The following PELI2 variants were observed in gnomAD, a reference collection of about 807,000 sequenced individuals.
PELI2 encodes the protein pellino E3 ubiquitin protein ligase family member 2.
PELI2 carries 23 observed loss-of-function variants against 42.3 expected under a neutral mutation model. That is an observed-to-expected ratio of 0.54 (90% CI 0.39 to 0.77). The LOEUF is 0.77. Ranked by LOEUF, PELI2 falls within the 30% of genes least tolerant of loss-of-function variation. PELI2 has a pLI of 0.00. For synonymous variants in PELI2, 245 were observed against 212.2 expected, an observed-to-expected ratio of 1.15 and a Z score of -1.34; for missense variants, 463 against 553.2, an observed-to-expected ratio of 0.84 and a Z score of 1.64.
intron 1 of PELI2, among the ~76,000 whole-genome samples, chr14:56,126,920 A>G (rs755159522): frequency 6.6e-6 from 1 of 152,162 alleles, no homozygotes; most frequent in Non-Finnish European, 1.5e-5. Context: ...TCAAAATGCA[A>G]CCTGACAAGA....
intron 2 of PELI2, among the ~76,000 whole-genome samples, chr14:56,218,004 A>C (rs868639122): frequency 6.6e-6 from 1 of 152,184 alleles, no homozygotes. Context: ...CCACCTCATT[A>C]AGTTGGGTAT....
chr14:56,240,460 T>C (rs1043954701), intron 2 of PELI2, among the ~76,000 whole-genome samples: 1 of 152,172 alleles, frequency 6.6e-6, no homozygotes, highest in Non-Finnish European at 1.5e-5. Flanking sequence ...GTGTTAGTGA[T>C]GTTAGCAAGA....
intron 5 of PELI2, among the ~76,000 whole-genome samples, chr14:56,294,067 A>T (rs1406821565): frequency 2.0e-5 from 3 of 152,214 alleles, no homozygotes; most frequent in Non-Finnish European, 4.4e-5. Context: ...GGGAAGGAGC[A>T]TCAGCAAACT....
chr14:56,164,708 A>G (rs1224727972), intron 1 of PELI2, among the ~76,000 whole-genome samples: 1 of 151,614 alleles, frequency 6.6e-6, no homozygotes, highest in African/African-American at 2.4e-5. Context: ...TACAGCTTTG[A>G]TCTTACTTGT....
At chr14:56,290,486 G>C (rs771813644) in intron 5 of PELI2, 30 bp downstream of exon 5, 1 of 1,506,980 alleles carries the variant, frequency 6.6e-7, no homozygotes, top group Non-Finnish European at 9.0e-7. Flanking sequence ...CAAGTGTGAA[G>C]TACGAAACTA....
At chr14:56,169,896 G>A (rs1885104664) in intron 1 of PELI2, among the ~76,000 whole-genome samples, 1 of 152,202 alleles carries the variant, frequency 6.6e-6, no homozygotes, top group African/African-American at 2.4e-5. Flanking sequence ...TAATAAGAGG[G>A]TTGGGACTAT....
chr14:56,259,047 A>G (rs1888624017), intron 2 of PELI2, among the ~76,000 whole-genome samples: 2 of 152,272 alleles, frequency 1.3e-5, no homozygotes, highest in South Asian at 4.1e-4. Flanking sequence ...CCATGGACCA[A>G]CATCTTTAAA....
At chr14:56,241,357 G>A (rs1020521592) in intron 2 of PELI2, among the ~76,000 whole-genome samples, 10 of 152,198 alleles carry the variant, frequency 6.6e-5, no homozygotes, top group Non-Finnish European at 2.9e-5. Flanking sequence ...ATCAATTCAG[G>A]AAGTCTGACA....
At chr14:56,124,554 A>C (rs1883181666) in intron 1 of PELI2, among the ~76,000 whole-genome samples, 1 of 152,198 alleles carries the variant, frequency 6.6e-6, no homozygotes, top group African/African-American at 2.4e-5. Flanking sequence ...TTACTGATAC[A>C]TGGTTCATTT....
intron 2 of PELI2, among the ~76,000 whole-genome samples, chr14:56,189,911 T>C (rs1885898701): frequency 6.6e-6 from 1 of 152,234 alleles, no homozygotes; most frequent in Non-Finnish European, 1.5e-5. Context: ...TGAAAGCCAG[T>C]GCCTTTCGTC....
intron 2 of PELI2, among the ~76,000 whole-genome samples, chr14:56,252,249 A>G (rs1040454347): frequency 9.2e-5 from 14 of 152,168 alleles, no homozygotes; most frequent in African/African-American, 3.4e-4. Flanking sequence ...AATTATTTTC[A>G]TAGCTAATGG....
rs1887819169 is a variant in PELI2 at position 56,237,022 on chromosome 14, C to T, written c.208-42654C>T. On this transcript the variant is annotated intron_variant, in intron 2 of 5. Coordinates refer to ENST00000267460, the MANE Select transcript of PELI2 (RefSeq NM_021255.3). The stretch of plus-strand genomic sequence containing the variant: ...CCTGGGCTTTTCCCCCTGCTCCTAG[C>T]ACTCTCACAAGACTGTGAAAATCAA... Among the ~76,000 whole-genome samples the T allele has an allele frequency of 2.0e-5, 3 of 152,190 alleles. 1 individual carries two copies. The South Asian group carries it at 6.2e-4, about 32-fold the overall frequency.
intron 2 of PELI2, among the ~76,000 whole-genome samples, chr14:56,179,187 ATAAAT>A (rs1256740565): frequency 1.3e-5 from 2 of 152,168 alleles, no homozygotes; most frequent in African/African-American, 4.8e-5. Context: ...CTTTAATTAA[ATAAAT>A]TCCTTAATAT....
intron 2 of PELI2, among the ~76,000 whole-genome samples, chr14:56,205,219 C>T (rs767076209): frequency 3.3e-5 from 5 of 151,816 alleles, no homozygotes; most frequent in Non-Finnish European, 7.4e-5. Context: ...TACATGCTAC[C>T]GTGAGTGGAC....
chr14:56,259,924 A>G (rs1888655253), intron 2 of PELI2, among the ~76,000 whole-genome samples: 1 of 152,186 alleles, frequency 6.6e-6, no homozygotes. Context: ...TGCATGTAAT[A>G]TTGCATACTA....
chr14:56,141,849 A>T (rs1444754464), intron 1 of PELI2, among the ~76,000 whole-genome samples: 1 of 152,204 alleles, frequency 6.6e-6, no homozygotes, highest in Non-Finnish European at 1.5e-5. Context: ...GCCAAACCGT[A>T]TCAGACCCTA....
In PELI2 at chr14:56,297,055, C is replaced by G; in HGVS notation, c.1152C>G (p.Ile384Met). Residue 384 changes from isoleucine to methionine, a missense_variant, in exon 6 of 6, where the codon ATC becomes ATG. Around this residue, in one of 3 missense-constraint regions of PELI2, gnomAD observed 103 missense variants for 129.6 expected, o/e 0.80. Transcript: ENST00000267460. ...SEKSAKYWSQIPLPHGTHAFH... is the reference protein window; with the variant it reads ...SEKSAKYWSQMPLPHGTHAFH... ...AGTCTGCAAAATACTGGTCTCAGAT[C>G]CCGTTGCCTCATGGAACTCATGCAT... 4 of 1,613,466 alleles carry G rather than the reference C, an allele frequency of 2.5e-6. No individual in the cohort carries two copies. Among genetic ancestry groups the G allele is most frequent in the Non-Finnish European group, 3.4e-6 (4 of 1,179,958 alleles).
intron 2 of PELI2, among the ~76,000 whole-genome samples, chr14:56,240,688 A>G (rs1004302008): frequency 2.0e-5 from 3 of 152,106 alleles, no homozygotes; most frequent in Non-Finnish European, 4.4e-5. Flanking sequence ...GAGGAAACGG[A>G]GTAGCTCTAG....
intron 1 of PELI2, among the ~76,000 whole-genome samples, chr14:56,125,091 A>G (rs1883202677): frequency 6.6e-6 from 1 of 152,160 alleles, no homozygotes; most frequent in East Asian, 1.9e-4. Flanking sequence ...CTGAGGCTGC[A>G]GCCCAACAAG....
Sources: allele counts gnomAD v4.1 joint callset (sites outside exome capture counted in the v4.1 genomes callset), GRCh38; gene constraint gnomAD v4.1.1; regional missense constraint gnomAD v4.1.1; transcripts MANE v1.5; gene names NCBI Gene and HGNC (gene_info 2026-07-23, HGNC 2026-07-21).